GALNT2: variants seen among roughly 807,000 people sequenced by gnomAD.
The protein encoded by GALNT2 is polypeptide N-acetylgalactosaminyltransferase 2, also known as UDP-GalNAc:polypeptide N-acetylgalactosaminyltransferase 2.
GALNT2 carries 31 observed loss-of-function variants against 81.4 expected under a neutral mutation model. The ratio of observed to expected loss-of-function variants is 0.38; its 90% CI spans 0.29 to 0.51. The LOEUF (loss-of-function observed/expected upper bound fraction) is 0.51. Among genes scored for constraint, GALNT2 ranks in the 20% least tolerant of loss-of-function variants. The probability of loss-of-function intolerance (pLI) is 0.87; values close to 1 mark genes in which losing one functional copy is unlikely to be tolerated. For synonymous variants in GALNT2, 303 were observed against 287.4 expected, an observed-to-expected ratio of 1.05 and a Z score of -0.55; for missense variants, 629 against 765.7, an observed-to-expected ratio of 0.82 and a Z score of 2.11.
intron 1 of GALNT2, among the ~76,000 whole-genome samples, chr1:230,060,424 C>T (rs1429173662): frequency 6.6e-6 from 1 of 152,126 alleles, no homozygotes; most frequent in Non-Finnish European, 1.5e-5. Flanking sequence ...TCTCCGCAGA[C>T]TCAGGATATC....
chr1:230,110,822 C>T (rs960095355), intron 1 of GALNT2, among the ~76,000 whole-genome samples: 4 of 151,142 alleles, frequency 2.6e-5, no homozygotes, highest in Non-Finnish European at 5.9e-5. Flanking sequence ...TGGACATCAG[C>T]CTGACCGTGG....
rs1289383427 is a variant in GALNT2 at position 230,246,183 on chromosome 1, C to T, written c.817+33C>T. 9.4e-6 allele frequency: 14 copies of T among 1,490,054 alleles called. 1 individual carries two copies. In the Middle Eastern group the frequency reaches 6.9e-4, roughly 73 times the overall value. The allele number at this position is 1,490,054 out of a possible 1,614,324, so 92.3% of individuals were successfully genotyped here. A position where few individuals can be genotyped will look rare whatever the true frequency, so the allele number is the denominator to read the frequency against. On this transcript the variant is annotated intron_variant, in intron 8 of 15. Coordinates refer to ENST00000366672, the MANE Select transcript of GALNT2 (RefSeq NM_004481.5). ...TCTGTCATGGTGCCCCTGCCTAGCTCGTCCCGTCTACACCAGCATCTGATC... is the reference window on the plus strand; with the variant it reads ...TCTGTCATGGTGCCCCTGCCTAGCTTGTCCCGTCTACACCAGCATCTGATC...
chr1:230,090,834 T>C (rs1407401071), intron 1 of GALNT2, among the ~76,000 whole-genome samples: 4 of 152,196 alleles, frequency 2.6e-5, no homozygotes, highest in Non-Finnish European at 4.4e-5. Flanking sequence ...CAGACTTAGC[T>C]TTGAGAGAGA....
rs931821433 is a variant in GALNT2 at position 230,246,152 on chromosome 1, T to TA, written c.817+3dup. The TA allele has an allele frequency of 6.2e-7, 1 of 1,611,010 alleles. No homozygotes were observed. The highest frequency in any genetic ancestry group is 1.3e-5 in the African/African-American group (1 of 74,810). On this transcript the variant is annotated splice_region_variant and intron_variant, in intron 8 of 15. Transcript: ENST00000366672. ...GGGCATCTGCTGACTTGAAGGGCGG[T>TA]AGGTGTCTGTCATGGTGCCCCTGCC...
chr1:230,122,488 G>T (rs1375858202), intron 1 of GALNT2, among the ~76,000 whole-genome samples: 1 of 152,226 alleles, frequency 6.6e-6, no homozygotes, highest in East Asian at 1.9e-4. Flanking sequence ...AGTGTTCCAG[G>T]GAAGGCCTCT....
intron 1 of GALNT2, 133 bp downstream of exon 1, chr1:230,067,539 G>A: frequency 3.4e-6 from 1 of 297,814 alleles, no homozygotes. Context: ...CCCTCGTCCC[G>A]GGCCTCCGCG....
intron 1 of GALNT2, among the ~76,000 whole-genome samples, chr1:230,067,652 CCT>C (rs1284894425): frequency 2.0e-5 from 3 of 152,098 alleles, no homozygotes; most frequent in Non-Finnish European, 4.4e-5. Flanking sequence ...GGACGTCGCC[CCT>C]CTCTCTGCTC....
intron 2 of GALNT2, among the ~76,000 whole-genome samples, chr1:230,189,769 C>T (rs560599195): frequency 3.9e-4 from 59 of 152,334 alleles, no homozygotes; most frequent in Admixed American, 1.1e-3. Context: ...CTGTTTTCAT[C>T]TTGCAAAATG....
At position 230,230,219 on chromosome 1, in the gene GALNT2, C is replaced by CT. The variant is rs931096662; in HGVS notation, c.375-5784dup. Among the ~76,000 whole-genome samples the CT allele has an allele frequency of 2.3e-3, 349 of 148,792 alleles. 1 individual carries two copies. The highest frequency in any genetic ancestry group is 7.9e-3 in the African/African-American group (320 of 40,688). Reference sequence around the variant, plus strand: ...CCCCTCAGCTTTGCAAACCCAGAAACTTTTTTTTTTTCTTAGTTTTTTGCC... The same window carrying CT: ...CCCCTCAGCTTTGCAAACCCAGAAACTTTTTTTTTTTTCTTAGTTTTTTGCC... On this transcript the variant is annotated intron_variant, in intron 3 of 15. Coordinates refer to ENST00000366672, the MANE Select transcript of GALNT2 (RefSeq NM_004481.5).
At chr1:230,183,794 A>G (rs950900818) in intron 2 of GALNT2, among the ~76,000 whole-genome samples, 6 of 152,268 alleles carry the variant, frequency 3.9e-5, no homozygotes, top group East Asian at 1.9e-4. Context: ...CCTGGCCAAC[A>G]TGGTGAAACC....
At position 230,279,658 on chromosome 1, in the gene GALNT2, C is replaced by G; in HGVS notation, c.*200C>G. 1 of 656,998 alleles carries G rather than the reference C, an allele frequency of 1.5e-6. No individual in the cohort carries two copies. Among genetic ancestry groups the G allele is most frequent in the Admixed American group, 2.9e-5 (1 of 34,732 alleles). 40.7% of individuals were successfully genotyped at this position (656,998 alleles called of 1,614,324 possible). A position where few individuals can be genotyped will look rare whatever the true frequency, so the allele number is the denominator to read the frequency against. Reference sequence around the variant, plus strand: ...GCAAGAAGCGAGAACTGCCCTCCCCCTCCTCTCGGTGCAGCCCAGCCGGGC... The same window carrying G: ...GCAAGAAGCGAGAACTGCCCTCCCCGTCCTCTCGGTGCAGCCCAGCCGGGC... On this transcript the variant is annotated 3_prime_UTR_variant, in exon 16 of 16. Transcript: ENST00000366672. This position sits in a 1 kb window ranked among gnomAD's most constrained non-coding sequence, Gnocchi z 4.6.
chr1:230,195,386 T>A (rs1453143524), intron 2 of GALNT2, among the ~76,000 whole-genome samples: 2 of 152,050 alleles, frequency 1.3e-5, no homozygotes, highest in African/African-American at 4.8e-5. Context: ...TTAGAAAAGC[T>A]GTGGTTGGGA....
chr1:230,160,531 G>A (rs1329124374), intron 1 of GALNT2, among the ~76,000 whole-genome samples: 2 of 152,120 alleles, frequency 1.3e-5, no homozygotes, highest in Admixed American at 1.3e-4. Flanking sequence ...GGCCAACATG[G>A]TGAAACCCCG....
chr1:230,236,090 G>A lies in GALNT2; in HGVS notation c.451G>A (p.Ala151Thr), dbSNP rs1665019739. The change falls in exon 4 of 16, where the codon GCC (alanine) becomes ACC (threonine). Residue 151 changes from alanine to threonine, a missense_variant. This residue lies in a region of GALNT2 where 360 missense variants were observed against 492.8 expected (regional missense o/e 0.73). Transcript: ENST00000366672. ...VITFHNEARSALLRTVVSVLK... is the reference protein window; with the variant it reads ...VITFHNEARSTLLRTVVSVLK... ...CACGTTTCACAATGAAGCCAGGTCGGCCCTACTCAGGACCGTGGTCAGGTG... is the reference window on the plus strand; with the variant it reads ...CACGTTTCACAATGAAGCCAGGTCGACCCTACTCAGGACCGTGGTCAGGTG... 1.9e-6 allele frequency: 3 copies of A among 1,614,018 alleles called. No individual in the cohort carries two copies. Among genetic ancestry groups the A allele is most frequent in the Non-Finnish European group, 2.5e-6 (3 of 1,180,008 alleles).
intron 14 of GALNT2, among the ~76,000 whole-genome samples, chr1:230,272,912 G>A (rs1666192172): frequency 6.6e-6 from 1 of 152,084 alleles, no homozygotes; most frequent in African/African-American, 2.4e-5. Flanking sequence ...GGGACCACAG[G>A]CATGCACTGC....
intron 2 of GALNT2, among the ~76,000 whole-genome samples, chr1:230,185,293 T>G (rs1004077921): frequency 3.5e-5 from 4 of 114,150 alleles, no homozygotes; most frequent in Non-Finnish European, 7.8e-5. Context: ...TGTGTGTGTG[T>G]GTGTGTGTGC....
At chr1:230,153,579 C>T (rs1357134574) in intron 1 of GALNT2, among the ~76,000 whole-genome samples, 1 of 152,214 alleles carries the variant, frequency 6.6e-6, no homozygotes. Flanking sequence ...ATTAATTCAT[C>T]GAGAACATCT....
At chr1:230,085,100 G>T (rs1331644926) in intron 1 of GALNT2, among the ~76,000 whole-genome samples, 5 of 152,170 alleles carry the variant, frequency 3.3e-5, no homozygotes, top group Admixed American at 6.5e-5. Context: ...ATGATCAGTT[G>T]TTTGTAAGCA....
chr1:230,244,150 TG>T (rs1156974952), intron 7 of GALNT2, among the ~76,000 whole-genome samples: 1 of 152,016 alleles, frequency 6.6e-6, no homozygotes, highest in East Asian at 1.9e-4. Context: ...CAAGTAGTTC[TG>T]CCTAAGCATA....
Sources: gnomAD v4.1 joint callset for allele counts (sites outside exome capture counted in the v4.1 genomes callset) on GRCh38, gnomAD v4.1.1 for gene constraint, gnomAD v4.1.1 regional missense constraint, Gnocchi (gnomAD v3.1) non-coding constraint, MANE v1.5 for transcripts, NCBI Gene and HGNC (gene_info 2026-07-23, HGNC 2026-07-21) for gene names.